PITRM1: variants seen among roughly 807,000 people sequenced by gnomAD.
The protein encoded by PITRM1 is presequence protease, mitochondrial.
Under a neutral mutation model 129.9 loss-of-function variants are expected in PITRM1, and 100 were observed. That is an observed-to-expected ratio of 0.77 (90% CI 0.65 to 0.91). The LOEUF (loss-of-function observed/expected upper bound fraction) is 0.91, where lower values mean the gene tolerates loss of function less well. Among genes scored for constraint, PITRM1 ranks in the 40% least tolerant of loss-of-function variants. PITRM1 has a pLI of 0.00. For synonymous variants in PITRM1, 591 were observed against 508.8 expected, an observed-to-expected ratio of 1.16 and a Z score of -2.17; for missense variants, 1,471 against 1,318.3, an observed-to-expected ratio of 1.12 and a Z score of -1.79.
At chr10:3,160,402 C>G in intron 7 of PITRM1, 72 bp from the exon 8 acceptor site, 2 of 1,268,102 alleles carry the variant, frequency 1.6e-6, no homozygotes, top group Non-Finnish European at 2.3e-6. Flanking sequence ...GTCTGTTTCA[C>G]TGAAACACAG....
intron 14 of PITRM1, among the ~76,000 whole-genome samples, chr10:3,155,322 C>T (rs747860660): frequency 2.0e-5 from 3 of 152,222 alleles, no homozygotes; most frequent in South Asian, 2.1e-4. Context: ...TGGCATATTA[C>T]GGCACCTGAT....
upstream of PITRM1, chr10:3,172,817 C>T: frequency 1.6e-5 from 25 of 1,525,174 alleles, no homozygotes; most frequent in Non-Finnish European, 2.1e-5. Flanking sequence ...CCTCTTAACC[C>T]GACGCAGGGC....
Position 3,172,582 on chromosome 10 carries a change from G to C in PITRM1, c.56+135C>G, listed in dbSNP as rs570274012. ...ATGCGGGAGCTCCAGGAAGGGCTCG[G>C]GGTGCGGGACGCCCACAGCTTGGGG... is the stretch of plus-strand genomic sequence containing the variant. On this transcript the variant is annotated intron_variant, in intron 1 of 26. Coordinates refer to ENST00000224949, the MANE Select transcript of PITRM1 (RefSeq NM_014889.4). The C allele has an allele frequency of 2.5e-4, 197 of 777,302 alleles. 2 individuals carry two copies. The East Asian group carries it at 5.1e-3, about 20-fold the overall frequency. The allele number at this position is 777,302 out of a possible 1,614,324, so 48.2% of individuals were successfully genotyped here.
chr10:3,165,969 TA>T (rs1471745166), intron 4 of PITRM1, among the ~76,000 whole-genome samples: 3 of 152,264 alleles, frequency 2.0e-5, no homozygotes, highest in Non-Finnish European at 4.4e-5. Flanking sequence ...ATTGTAGCGA[TA>T]TCTCCAAGAG....
Position 3,147,369 on chromosome 10 carries a change from C to A in PITRM1, c.2236-119G>T, listed in dbSNP as rs73579007. 3.1e-4 allele frequency: 301 copies of A among 972,588 alleles called. 1 individual carries two copies. In the African/African-American group the frequency reaches 4.4e-3, roughly 14 times the overall value. 60.2% of individuals were successfully genotyped at this position (972,588 alleles called of 1,614,324 possible). ...GGCAGGGGTTATGTGTGCGAGTGCA[C>A]GGCTTGGGCAGGGCTGGAACTGGGA... On this transcript the variant is annotated intron_variant, in intron 19 of 26. Coordinates refer to ENST00000224949, the MANE Select transcript of PITRM1 (RefSeq NM_014889.4).
At chr10:3,141,230 A>G (rs1457566481) in intron 23 of PITRM1, among the ~76,000 whole-genome samples, 1 of 152,166 alleles carries the variant, frequency 6.6e-6, no homozygotes, top group Non-Finnish European at 1.5e-5. Flanking sequence ...TTTTCTTTTC[A>G]ATTAACCAAA....
At chr10:3,153,915 C>G (rs111762848) in intron 14 of PITRM1, among the ~76,000 whole-genome samples, 2,581 of 152,296 alleles carry the variant, frequency 0.017, 59 homozygotes, top group African/African-American at 0.05. Flanking sequence ...ACATAACTTA[C>G]AAGCAATAAT....
chr10:3,138,849 G>T lies in PITRM1; in HGVS notation c.2917+55C>A, dbSNP rs771695842. On this transcript the variant is annotated intron_variant, in intron 25 of 26. Transcript: ENST00000224949. ...ATGCATGCCGGGAACTTGGAAAACAGCAACGTCATCTGTGAGGCTGTGGGT... is the reference window on the plus strand; with the variant it reads ...ATGCATGCCGGGAACTTGGAAAACATCAACGTCATCTGTGAGGCTGTGGGT... The T allele has an allele frequency of 2.5e-6, 4 of 1,573,754 alleles. No individual in the cohort carries two copies. In the African/African-American group the frequency reaches 5.4e-5, roughly 21 times the overall value.
rs1268263703 is a variant in PITRM1 at position 3,165,133 on chromosome 10, C to T, written c.630+105G>A. 3.5e-6 allele frequency: 3 copies of T among 858,550 alleles called. No homozygotes were observed. The Admixed American group carries it at 8.8e-5, about 25-fold the overall frequency. The allele number at this position is 858,550 out of a possible 1,614,324, so 53.2% of individuals were successfully genotyped here. On this transcript the variant is annotated intron_variant, in intron 6 of 26. Transcript: ENST00000224949. ...CCCCAGCTAATTCAAGAATGTATCA[C>T]CTATAATGAGAATATTAAATAAAAT...
chr10:3,140,670 A>G lies in PITRM1; in HGVS notation c.2771+17T>C. The G allele has an allele frequency of 6.3e-7, 1 of 1,592,182 alleles. No homozygotes were observed. The highest frequency in any genetic ancestry group is 8.6e-7 in the Non-Finnish European group (1 of 1,167,904). On this transcript the variant is annotated intron_variant, in intron 24 of 26. Coordinates refer to ENST00000224949, the MANE Select transcript of PITRM1 (RefSeq NM_014889.4). ...ACGACGTGTGCATCCCAATGTGTGA[A>G]CTAGAGCAAAACTCACCTGTAAGAG... is the stretch of plus-strand genomic sequence containing the variant.
chr10:3,138,375 C>T (rs544058902), intron 25 of PITRM1, 38 bp from the exon 26 acceptor site: 43 of 1,411,306 alleles, frequency 3.0e-5, no homozygotes, highest in African/African-American at 7.0e-5. Flanking sequence ...AGCCGCTGCC[C>T]GGGAGCTCGC....
chr10:3,146,380 G>A (rs1840866756), intron 20 of PITRM1: 1 of 152,354 alleles, frequency 6.6e-6, no homozygotes, highest in South Asian at 2.1e-4. Flanking sequence ...TATTCCTTAC[G>A]ATAAACCTGC....
intron 1 of PITRM1, among the ~76,000 whole-genome samples, chr10:3,172,489 C>A (rs532762777): frequency 6.6e-6 from 1 of 152,272 alleles, no homozygotes; most frequent in African/African-American, 2.4e-5. Context: ...CAGGCCCGGC[C>A]CCCAGCCCGG....
chr10:3,143,142 G>C, intron 23 of PITRM1: 1 of 521,676 alleles, frequency 1.9e-6, no homozygotes, highest in Non-Finnish European at 3.5e-6. Context: ...ATAGGTATCT[G>C]TATTGTTCAT....
At position 3,163,904 on chromosome 10, in the gene PITRM1, TA is replaced by T. The variant is rs752493117; in HGVS notation, c.631-20del. The T allele has an allele frequency of 3.8e-6, 6 of 1,560,430 alleles. No homozygotes were observed. Among genetic ancestry groups the T allele is most frequent in the Admixed American group, 1.8e-5 (1 of 55,044 alleles). On this transcript the variant is annotated intron_variant, in intron 6 of 26. Transcript: ENST00000224949. ...TGTCTGTCTTGAAACGTAAAATAAA[TA>T]AATCATAAGTATACATGTAAAATAA...
intron 11 of PITRM1, 87 bp from the exon 12 acceptor site, chr10:3,157,618 G>A (rs1842085207): frequency 3.8e-6 from 3 of 791,670 alleles, no homozygotes; most frequent in Non-Finnish European, 6.1e-6. Context: ...AAGGCAGGAG[G>A]ACTGCTTGAG....
intron 23 of PITRM1, among the ~76,000 whole-genome samples, chr10:3,141,983 T>C (rs974061858): frequency 6.6e-6 from 1 of 152,166 alleles, no homozygotes; most frequent in Admixed American, 6.5e-5. Context: ...ACATTATCCT[T>C]CCTGAGAAAT....
In PITRM1 at chr10:3,151,282, G is replaced by C; in HGVS notation, c.1703C>G (p.Thr568Ser). 1 of 1,608,996 alleles carries C rather than the reference G, an allele frequency of 6.2e-7. No homozygotes were observed. The highest frequency in any genetic ancestry group is 1.1e-5 in the South Asian group (1 of 89,788). Residue 568 changes from threonine to serine, a missense_variant, in exon 15 of 27, where the codon ACC becomes AGC. Transcript: ENST00000224949. ...PALKVSDIEP[T>S]IPVTELDVVL... The stretch of plus-strand genomic sequence containing the variant: ...CACGTCCAACTCTGTGACAGGTATG[G>C]TGGGTTCAATATCGGAAACTTTCAA...
intron 1 of PITRM1, among the ~76,000 whole-genome samples, chr10:3,171,643 C>T (rs539027038): frequency 6.6e-6 from 1 of 152,236 alleles, no homozygotes; most frequent in Admixed American, 6.5e-5. Context: ...TTCACCATGT[C>T]GGCCAGGCTG....
Sources: gnomAD v4.1 joint callset for allele counts (sites outside exome capture counted in the v4.1 genomes callset) on GRCh38, gnomAD v4.1.1 for gene constraint, MANE v1.5 for transcripts, NCBI Gene and HGNC (gene_info 2026-07-23, HGNC 2026-07-21) for gene names.